MEOX2: variants seen among roughly 807,000 people sequenced by gnomAD.
MEOX2 encodes the protein homeobox protein MOX-2.
Under a neutral mutation model 27.0 loss-of-function variants are expected in MEOX2, and 11 were observed. The observed-to-expected ratio is 0.41, with a 90% CI of 0.26 to 0.68. The LOEUF is 0.68. Ranked by LOEUF, MEOX2 falls within the 30% of genes least tolerant of loss-of-function variation. The pLI is 0.33. For missense variants in MEOX2, 436 were observed against 385.4 expected (o/e 1.13, Z -1.10); for synonymous variants, 189 against 155.4 (o/e 1.22, Z -1.61).
rs187009393 is a variant in MEOX2, at chr7:15,684,026, T to A, written c.517+1860A>T. Among the ~76,000 whole-genome samples the A allele has an allele frequency of 5.9e-3, 892 of 152,254 alleles. 8 individuals carry two copies. The highest frequency in any genetic ancestry group is 0.02 in the African/African-American group (845 of 41,568). ...TAAATTATTCCATTTTTTAAAAAAA[T>A]TATTAAAATAAATTAAGGGAATCAG... On this transcript the variant is annotated intron_variant, in intron 1 of 2. Coordinates refer to ENST00000262041, the MANE Select transcript of MEOX2 (RefSeq NM_005924.5).
chr7:15,614,346 T>A (rs1194271450), intron 2 of MEOX2, among the ~76,000 whole-genome samples: 1 of 152,054 alleles, frequency 6.6e-6, no homozygotes. Context: ...CCCAAGTGGT[T>A]GAGGTTGCAG....
chr7:15,635,084 T>C (rs57008829), intron 1 of MEOX2, among the ~76,000 whole-genome samples: 14,890 of 151,990 alleles, frequency 0.098, 1,005 homozygotes, highest in African/African-American at 0.18. Context: ...TTAATAAATA[T>C]TAACTTTGTA....
At chr7:15,620,028 T>G (rs1430606667) in intron 2 of MEOX2, among the ~76,000 whole-genome samples, 2 of 152,042 alleles carry the variant, frequency 1.3e-5, no homozygotes, top group Non-Finnish European at 2.9e-5. Context: ...TTTTGATGCT[T>G]ACCAATACTG....
chr7:15,670,221 A>T (rs1413210627), intron 1 of MEOX2, among the ~76,000 whole-genome samples: 1 of 152,174 alleles, frequency 6.6e-6, no homozygotes, highest in East Asian at 1.9e-4. Flanking sequence ...ATGTTTAATA[A>T]TTATTTTAGG....
chr7:15,659,000 C>A (rs1337160313), intron 1 of MEOX2, among the ~76,000 whole-genome samples: 1 of 152,104 alleles, frequency 6.6e-6, no homozygotes, highest in African/African-American at 2.4e-5. Flanking sequence ...GTCCAATGAG[C>A]CAGTACTTTC....
intron 1 of MEOX2, among the ~76,000 whole-genome samples, chr7:15,631,656 C>A (rs1781404502): frequency 6.6e-6 from 1 of 151,750 alleles, no homozygotes; most frequent in Admixed American, 6.6e-5. Flanking sequence ...ATTTTATTCA[C>A]ATGATTGCAT....
At chr7:15,645,495 C>CT (rs1781627395) in intron 1 of MEOX2, among the ~76,000 whole-genome samples, 2 of 152,080 alleles carry the variant, frequency 1.3e-5, no homozygotes, top group African/African-American at 4.8e-5. Context: ...TTCGCCATGA[C>CT]TGCAATAATA....
At chr7:15,627,228 T>C (rs1164457365) in intron 1 of MEOX2, among the ~76,000 whole-genome samples, 2 of 152,072 alleles carry the variant, frequency 1.3e-5, no homozygotes, top group African/African-American at 4.8e-5. Flanking sequence ...TAGAAAACAC[T>C]TTTAGATATG....
At chr7:15,641,060 T>A in intron 1 of MEOX2, among the ~76,000 whole-genome samples, 1 of 152,138 alleles carries the variant, frequency 6.6e-6, no homozygotes, top group East Asian at 1.9e-4. Context: ...GAAACTCTCC[T>A]CCTTGATTTC....
intron 1 of MEOX2, among the ~76,000 whole-genome samples, chr7:15,631,915 T>TGTGTGTGTGTGTGTGTGTGC (rs1781409836): frequency 6.6e-6 from 1 of 150,734 alleles, no homozygotes; most frequent in Non-Finnish European, 1.5e-5. Flanking sequence ...AATGTGTGTG[T>TGTGTGTGTGTGTGTGTGTGC]GTGTGTGTGT....
chr7:15,639,259 A>G (rs528406520), intron 1 of MEOX2, among the ~76,000 whole-genome samples: 2 of 152,102 alleles, frequency 1.3e-5, no homozygotes, highest in African/African-American at 4.8e-5. Flanking sequence ...TATGTTTATT[A>G]GCAACTTGTA....
At chr7:15,616,868 A>G (rs1781131423) in intron 2 of MEOX2, among the ~76,000 whole-genome samples, 1 of 152,014 alleles carries the variant, frequency 6.6e-6, no homozygotes, top group Non-Finnish European at 1.5e-5. Flanking sequence ...TGAAGCACAA[A>G]TAAAACATAG....
At chr7:15,628,263 C>G (rs1383236734) in intron 1 of MEOX2, among the ~76,000 whole-genome samples, 1 of 151,798 alleles carries the variant, frequency 6.6e-6, no homozygotes, top group African/African-American at 2.4e-5. Flanking sequence ...CTAAAGAGGA[C>G]CCTGCATAAT....
At chr7:15,653,297 C>T (rs1446532155) in intron 1 of MEOX2, among the ~76,000 whole-genome samples, 1 of 151,924 alleles carries the variant, frequency 6.6e-6, no homozygotes, top group Non-Finnish European at 1.5e-5. Context: ...GATAAAAAAT[C>T]TCTTTCTATC....
chr7:15,616,810 C>G (rs1475914508), intron 2 of MEOX2, among the ~76,000 whole-genome samples: 1 of 151,836 alleles, frequency 6.6e-6, no homozygotes, highest in Non-Finnish European at 1.5e-5. Context: ...AAAAATATTA[C>G]CAAATGTCCA....
intron 1 of MEOX2, among the ~76,000 whole-genome samples, chr7:15,643,358 CT>C (rs746004551): frequency 2.6e-5 from 4 of 152,180 alleles, no homozygotes; most frequent in Non-Finnish European, 5.9e-5. Context: ...GGTCAGGCAA[CT>C]CAGCCACCAG....
intron 1 of MEOX2, among the ~76,000 whole-genome samples, chr7:15,629,477 A>T (rs1284701681): frequency 6.6e-6 from 1 of 152,086 alleles, no homozygotes; most frequent in African/African-American, 2.4e-5. Context: ...CCAATGACTA[A>T]AATGAAGTAA....
At chr7:15,685,848 C>A (rs1782370926) in intron 1 of MEOX2, 38 bp downstream of exon 1, 1 of 1,544,372 alleles carries the variant, frequency 6.5e-7, no homozygotes. Context: ...CTTTTCCAGC[C>A]CGGCGCGCAC....
Position 15,626,782 on chromosome 7 carries a change from G to C in MEOX2, c.654C>G (p.Tyr218Ter). Residue 218 changes from tyrosine to a stop codon, truncating the protein, a stop_gained, in exon 2 of 3, where the codon TAC becomes TAG. Coordinates refer to ENST00000262041, the MANE Select transcript of MEOX2 (RefSeq NM_005924.5). LOFTEE classifies it high-confidence loss of function. ...HHNYLTRLRR[Y>*]EIAVNLDLTE... ...TGAGATCCAGATTCACTGCTATCTCGTATCGCCTCAGTCTGGTGAGATAAT... is the reference window on the plus strand; with the variant it reads ...TGAGATCCAGATTCACTGCTATCTCCTATCGCCTCAGTCTGGTGAGATAAT... 1 of 1,608,474 alleles carries C rather than the reference G, an allele frequency of 6.2e-7. No homozygotes were observed.
Sources: allele counts gnomAD v4.1 joint callset (sites outside exome capture counted in the v4.1 genomes callset), GRCh38; gene constraint gnomAD v4.1.1; transcripts MANE v1.5; gene names NCBI Gene and HGNC (gene_info 2026-07-23, HGNC 2026-07-21).